The following SIK2 variants were observed in gnomAD, a reference collection of about 807,000 sequenced individuals.
SIK2 encodes serine/threonine-protein kinase SIK2.
In SIK2, 29 loss-of-function variants were observed where a neutral mutation model predicts 103.2. The ratio of observed to expected loss-of-function variants is 0.28; its 90% CI spans 0.21 to 0.38. SIK2 has a LOEUF of 0.38. SIK2 is among the 10% of genes least tolerant of loss of function. SIK2 has a pLI of 1.00. For missense variants in SIK2, 879 were observed against 1,171.0 expected (o/e 0.75, Z 3.64); for synonymous variants, 412 against 446.1 (o/e 0.92, Z 0.96).
rs1372984008 is a variant in SIK2, at chr11:111,724,185, T to G, written c.*56T>G. ...GAAGGAAGAGTGTATGTTCCTATTT[T>G]TATTCCAGCCTTTTAAATTTAAAGC... On this transcript the variant is annotated 3_prime_UTR_variant, in exon 15 of 15. Transcript: ENST00000304987. 1 of 1,542,240 alleles carries G rather than the reference T, an allele frequency of 6.5e-7. No homozygotes were observed. Among genetic ancestry groups the G allele is most frequent in the Non-Finnish European group, 8.7e-7 (1 of 1,150,324 alleles).
chr11:111,660,574 G>A (rs1565338159), intron 3 of SIK2, among the ~76,000 whole-genome samples: 1 of 152,128 alleles, frequency 6.6e-6, no homozygotes, highest in Non-Finnish European at 1.5e-5. Context: ...ACCTCTTTGA[G>A]ATCAGTCTTC....
intron 3 of SIK2, among the ~76,000 whole-genome samples, chr11:111,636,003 C>A (rs1374321271): frequency 6.6e-6 from 1 of 152,182 alleles, no homozygotes; most frequent in Admixed American, 6.5e-5. Flanking sequence ...CTGTTTCTTT[C>A]AGGATGAATT....
chr11:111,667,200 C>T (rs1942556490), intron 3 of SIK2, among the ~76,000 whole-genome samples: 1 of 151,982 alleles, frequency 6.6e-6, no homozygotes, highest in Non-Finnish European at 1.5e-5. Context: ...CCACCCATCC[C>T]GGCCTCCCAA....
intron 1 of SIK2, among the ~76,000 whole-genome samples, chr11:111,610,067 C>T (rs1941699396): frequency 6.6e-6 from 1 of 152,112 alleles, no homozygotes; most frequent in South Asian, 2.1e-4. Flanking sequence ...TATAAAATCT[C>T]CAAAAGCTAC....
chr11:111,666,217 G>C (rs1337878676), intron 3 of SIK2, among the ~76,000 whole-genome samples: 2 of 152,148 alleles, frequency 1.3e-5, no homozygotes, highest in East Asian at 3.8e-4. Flanking sequence ...GTTACCGTAG[G>C]GTTTCTGTTA....
rs1370400589 is a variant in SIK2 at position 111,602,828 on chromosome 11, G to T, written c.135+130G>T. ...CCGCCTCACTGGCGGAGGCGAGCGG[G>T]CCTGGGACTGTGAGGACCCAGGAGG... On this transcript the variant is annotated intron_variant, in intron 1 of 14. Coordinates refer to ENST00000304987, the MANE Select transcript of SIK2 (RefSeq NM_015191.3). This position sits in a 1 kb window ranked among gnomAD's most constrained non-coding sequence, Gnocchi z 4.5. The T allele has an allele frequency of 1.7e-5, 23 of 1,327,454 alleles. No homozygotes were observed. The highest frequency in any genetic ancestry group is 4.7e-5 in the African/African-American group (3 of 64,310). 82.2% of individuals were successfully genotyped at this position (1,327,454 alleles called of 1,614,324 possible).
At position 111,721,948 on chromosome 11, in the gene SIK2, C is replaced by T. The variant is rs756506108; in HGVS notation, c.2055+8C>T. 7 of 1,572,662 alleles carry T rather than the reference C, an allele frequency of 4.5e-6. No homozygotes were observed. Among genetic ancestry groups the T allele is most frequent in the Non-Finnish European group, 6.0e-6 (7 of 1,161,110 alleles). ...CTGCAGCACAGACTCCAGGTGGGTC[C>T]TTCTCCTTGCGAGTCCACCTCACTC... On this transcript the variant is annotated splice_region_variant and intron_variant, in intron 13 of 14. Coordinates refer to ENST00000304987, the MANE Select transcript of SIK2 (RefSeq NM_015191.3).
Position 111,701,094 on chromosome 11 carries a change from C to A in SIK2, c.603+84C>A. 6.6e-7 allele frequency: 1 copy of A among 1,507,046 alleles called. No individual in the cohort carries two copies. The highest frequency in any genetic ancestry group is 9.0e-7 in the Non-Finnish European group (1 of 1,115,456). The allele number at this position is 1,507,046 out of a possible 1,614,324, so 93.4% of individuals were successfully genotyped here. On this transcript the variant is annotated intron_variant, in intron 5 of 14. Coordinates refer to ENST00000304987, the MANE Select transcript of SIK2 (RefSeq NM_015191.3). This position sits in a 1 kb window ranked among gnomAD's most constrained non-coding sequence, Gnocchi z 4.2. ...TGGCCCATCTTAGAAGCTCCTGGTA[C>A]TTAACACATAAGCAGTATTTCATAT...
chr11:111,647,564 A>G (rs1401970993), intron 3 of SIK2, among the ~76,000 whole-genome samples: 11 of 4,962 alleles, frequency 2.2e-3, no homozygotes, highest in Non-Finnish European at 9.8e-3. Flanking sequence ...CCCATCTCGA[A>G]AAAAAAAAAA....
At chr11:111,607,315 C>T (rs1234979346) in intron 1 of SIK2, among the ~76,000 whole-genome samples, 1 of 152,070 alleles carries the variant, frequency 6.6e-6, no homozygotes, top group Non-Finnish European at 1.5e-5. Context: ...TATAGTTAGG[C>T]CTAATTCTTT....
Position 111,645,225 on chromosome 11 carries a change from A to G in SIK2, c.316+24823A>G, listed in dbSNP as rs140422848. 5.5e-3 allele frequency among the ~76,000 whole-genome samples: 842 copies of G among 152,344 alleles called. 7 individuals carry two copies. Among genetic ancestry groups the G allele is most frequent in the African/African-American group, 0.019 (784 of 41,568 alleles). On this transcript the variant is annotated intron_variant, in intron 3 of 14. Coordinates refer to ENST00000304987, the MANE Select transcript of SIK2 (RefSeq NM_015191.3). ...ATATATCCTATGACCCTGAAGTTTT[A>G]CCCTATTTCATGTACATATAAGCCA...
intron 3 of SIK2, among the ~76,000 whole-genome samples, chr11:111,663,246 A>T (rs977624167): frequency 6.6e-6 from 1 of 151,726 alleles, no homozygotes; most frequent in South Asian, 2.1e-4. Context: ...AAAAAAAAAA[A>T]ATAGTAGGGT....
chr11:111,687,849 C>T, intron 3 of SIK2, 152 bp from the exon 4 acceptor site: 1 of 662,082 alleles, frequency 1.5e-6, no homozygotes, highest in Non-Finnish European at 2.5e-6. Flanking sequence ...TCGTGATCTG[C>T]CCACCTCAGC....
intron 1 of SIK2, among the ~76,000 whole-genome samples, chr11:111,609,338 G>A (rs559711356): frequency 1.5e-4 from 23 of 151,250 alleles, no homozygotes; most frequent in South Asian, 6.3e-4. Flanking sequence ...TTTTTTGGGG[G>A]GGGGACAGGG....
rs117652260 is a variant in SIK2 at position 111,670,411 on chromosome 11, T to C, written c.317-17590T>C. Among the ~76,000 whole-genome samples the C allele has an allele frequency of 8.2e-3, 1,253 of 152,354 alleles. 11 individuals carry two copies. The highest frequency in any genetic ancestry group is 0.065 in the Middle Eastern group (19 of 294). ...CATGTGAGTTATAAATCCGTGGTGGTACTGATAGCTTAATCCTGCATATTT... is the reference window on the plus strand; with the variant it reads ...CATGTGAGTTATAAATCCGTGGTGGCACTGATAGCTTAATCCTGCATATTT... On this transcript the variant is annotated intron_variant, in intron 3 of 14. Coordinates refer to ENST00000304987, the MANE Select transcript of SIK2 (RefSeq NM_015191.3).
chr11:111,633,500 T>C (rs912240398), intron 3 of SIK2, among the ~76,000 whole-genome samples: 2 of 152,144 alleles, frequency 1.3e-5, no homozygotes, highest in African/African-American at 4.8e-5. Flanking sequence ...CCAGGTTAAG[T>C]AGTCTGAGGT....
intron 3 of SIK2, among the ~76,000 whole-genome samples, chr11:111,639,996 G>A (rs1469652210): frequency 6.6e-6 from 1 of 152,074 alleles, no homozygotes; most frequent in Non-Finnish European, 1.5e-5. Context: ...TACTGCGCAG[G>A]GTGTGTGGCA....
intron 3 of SIK2, among the ~76,000 whole-genome samples, chr11:111,673,332 TTTGA>T (rs1221419440): frequency 6.6e-6 from 1 of 152,234 alleles, no homozygotes; most frequent in East Asian, 1.9e-4. Flanking sequence ...CATTCTGTCA[TTTGA>T]TTGTATTTCT....
At chr11:111,715,471 G>GC (rs1222162224) in intron 9 of SIK2, among the ~76,000 whole-genome samples, 1 of 152,180 alleles carries the variant, frequency 6.6e-6, no homozygotes, top group African/African-American at 2.4e-5. Context: ...CAGGTATTGT[G>GC]CATCTCAAAG....
Sources: gnomAD v4.1 joint callset for allele counts (sites outside exome capture counted in the v4.1 genomes callset) on GRCh38, gnomAD v4.1.1 for gene constraint, Gnocchi (gnomAD v3.1) non-coding constraint, MANE v1.5 for transcripts, NCBI Gene and HGNC (gene_info 2026-07-23, HGNC 2026-07-21) for gene names.